Variants in TTF2 observed in about 807,000 individuals in gnomAD.
TTF2 encodes the protein RNA polymerase II termination factor.
TTF2 carries 108 observed loss-of-function variants against 142.4 expected under a neutral mutation model. The observed-to-expected ratio is 0.76, with a 90% CI of 0.65 to 0.89. The LOEUF is 0.89. Ranked by LOEUF, TTF2 falls within the 40% of genes least tolerant of loss-of-function variation. The probability of loss-of-function intolerance (pLI) is 0.00; values close to 1 mark genes in which losing one functional copy is unlikely to be tolerated. For missense variants in TTF2, 1,327 were observed against 1,379.8 expected (o/e 0.96, Z 0.61); for synonymous variants, 483 against 506.2 (o/e 0.95, Z 0.61).
At chr1:117,081,156 T>C (rs1647477198) in intron 9 of TTF2, among the ~76,000 whole-genome samples, 1 of 152,232 alleles carries the variant, frequency 6.6e-6, no homozygotes, top group Non-Finnish European at 1.5e-5. Context: ...GCCTGCTATG[T>C]TAATTATTTT....
rs1649569017 is a variant in TTF2 at position 117,101,408 on chromosome 1, A to G, written c.3373A>G (p.Lys1125Glu). ...TGTTTGTGAGGGAACAGTAGAAGAA[A>G]AGATCTTACAGCTCCAAGAAAAAAA... ...RFVCEGTVEE[K>E]ILQLQEKKKD... Residue 1125 changes from lysine (K) to glutamate (E), a missense_variant, in exon 23 of 23, where the codon AAG (lysine) becomes GAG (glutamate). Physicochemically the swap from Lys to Glu is moderately conservative, Grantham distance 56. Transcript: ENST00000369466. The surrounding 1 kb of genome is among the most constrained non-coding windows in gnomAD (Gnocchi z 5.9). The G allele has an allele frequency of 1.2e-6, 2 of 1,601,020 alleles. No individual in the cohort carries two copies. The highest frequency in any genetic ancestry group is 2.7e-5 in the African/African-American group (2 of 74,026).
At chr1:117,095,262 A>G in intron 18 of TTF2, 47 bp from the exon 19 acceptor site, 1 of 1,600,884 alleles carries the variant, frequency 6.2e-7, no homozygotes, top group Non-Finnish European at 8.6e-7. Context: ...GGAGATGGAG[A>G]AAAGTGAATT....
chr1:117,067,521 T>A, intron 3 of TTF2, among the ~76,000 whole-genome samples: 2 of 102,870 alleles, frequency 1.9e-5, no homozygotes, highest in Non-Finnish European at 1.8e-5. Flanking sequence ...CAAGACTCAG[T>A]CTCAAAAAAA....
Position 117,101,452 on chromosome 1 carries a change from A to C in TTF2, c.3417A>C (p.Gln1139His), listed in dbSNP as rs140357181. The C allele has an allele frequency of 1.3e-5, 21 of 1,611,688 alleles. No individual in the cohort carries two copies. The African/African-American group carries it at 2.4e-4, about 18-fold the overall frequency. The stretch of plus-strand genomic sequence containing the variant: ...AAAAAAAGAAAGATTTGGCCAAACA[A>C]GTTCTATCAGGGTCTGGAGAATCTG... ...LQEKKKDLAK[Q>H]VLSGSGESVT... is the part of the protein sequence containing the mutation. Residue 1139 changes from glutamine to histidine, a missense_variant, in exon 23 of 23, where the codon CAA becomes CAC. By Grantham distance (24) the Gln-to-His change is conservative. Transcript: ENST00000369466. This position sits in a 1 kb window ranked among gnomAD's most constrained non-coding sequence, Gnocchi z 5.9.
At position 117,107,281 on chromosome 1, in the gene TTF2, C is replaced by CTT. The variant is rs1212525699; in HGVS notation, c.*5759_*5760dup. On this transcript the variant is annotated 3_prime_UTR_variant, in exon 23 of 23. Coordinates refer to ENST00000369466, the MANE Select transcript of TTF2 (RefSeq NM_003594.4). Reference sequence around the variant, plus strand: ...CCAATCCCCAACACCCACACACAAACTTTAAATATTTGTAACAGAATTGTT... The same window carrying CTT: ...CCAATCCCCAACACCCACACACAAACTTTTTAAATATTTGTAACAGAATTGTT... 2 of 152,332 alleles carry CTT rather than the reference C, an allele frequency of 1.3e-5. No homozygotes were observed. The highest frequency in any genetic ancestry group is 2.9e-5 in the Non-Finnish European group (2 of 68,038). The allele number at this position is 152,332 out of a possible 1,614,324, so 9.4% of individuals were successfully genotyped here. A position where few individuals can be genotyped will look rare whatever the true frequency, so the allele number is the denominator to read the frequency against.
At chr1:117,060,674 G>A (rs1557794965) in intron 2 of TTF2, 117 bp downstream of exon 2, 3 of 997,044 alleles carry the variant, frequency 3.0e-6, no homozygotes, top group Non-Finnish European at 4.3e-6. Context: ...CTAGTTTGCG[G>A]TGTCAGGACC....
intron 3 of TTF2, 73 bp downstream of exon 3, chr1:117,062,546 G>GT: frequency 7.0e-7 from 1 of 1,418,716 alleles, no homozygotes; most frequent in Non-Finnish European, 9.6e-7. Flanking sequence ...TTGTAGCCAG[G>GT]TATGTATTAG....
intron 3 of TTF2, among the ~76,000 whole-genome samples, chr1:117,068,591 G>A (rs756448584): frequency 2.0e-5 from 3 of 151,718 alleles, no homozygotes; most frequent in Non-Finnish European, 4.4e-5. Flanking sequence ...AAATTAATTG[G>A]TTGTGGTAGA....
At position 117,065,820 on chromosome 1, in the gene TTF2, TGGAGG is replaced by T. The variant is rs1213773765; in HGVS notation, c.218+3348_218+3352del. Among the ~76,000 whole-genome samples, 86 of 152,242 alleles carry T rather than the reference TGGAGG, an allele frequency of 5.6e-4. 1 individual carries two copies. The East Asian group carries it at 0.011, about 20-fold the overall frequency. On this transcript the variant is annotated intron_variant, in intron 3 of 22. Transcript: ENST00000369466. ...ATACTTAAAACCATTTACATACTAC[TGGAGG>T]ACCTTTACCATACAGACATACTGTG...
At chr1:117,083,907 T>G (rs1379977699) in intron 10 of TTF2, 111 bp from the exon 11 acceptor site, 27 of 1,333,984 alleles carry the variant, frequency 2.0e-5, no homozygotes, top group Non-Finnish European at 2.8e-5. Flanking sequence ...AGCCTAGGAG[T>G]TTGAGACAGC....
At position 117,063,848 on chromosome 1, in the gene TTF2, T is replaced by A. The variant is rs894560002; in HGVS notation, c.218+1375T>A. On this transcript the variant is annotated intron_variant, in intron 3 of 22. Transcript: ENST00000369466. The surrounding 1 kb of genome is among the most constrained non-coding windows in gnomAD (Gnocchi z 4.1). ...TTAATATTGGTACAACCCACCAGTT[T>A]TATTGGTAAAGGTAGTTTTACTTGA... Among the ~76,000 whole-genome samples the A allele has an allele frequency of 1.3e-5, 2 of 152,148 alleles. No individual in the cohort carries two copies. The highest frequency in any genetic ancestry group is 2.4e-5 in the African/African-American group (1 of 41,432).
Position 117,062,493 on chromosome 1 carries a change from A to G in TTF2, c.218+20A>G. The G allele has an allele frequency of 6.3e-7, 1 of 1,574,942 alleles. No individual in the cohort carries two copies. On this transcript the variant is annotated intron_variant, in intron 3 of 22. Coordinates refer to ENST00000369466, the MANE Select transcript of TTF2 (RefSeq NM_003594.4). ...ATACAGGTAAGGGTCCAAAAGGAAC[A>G]TCTAAGTGTATTTGCTTTTTTTTTT... is the stretch of plus-strand genomic sequence containing the variant.
chr1:117,089,559 T>TAC (rs886325375), intron 13 of TTF2, among the ~76,000 whole-genome samples: 5 of 151,786 alleles, frequency 3.3e-5, no homozygotes, highest in Non-Finnish European at 5.9e-5. Flanking sequence ...CACAGGGGTG[T>TAC]ACACCTGTGG....
rs775119226 is a variant in TTF2, at chr1:117,076,295, G to A, written c.1390+1G>A. The A allele has an allele frequency of 8.7e-6, 14 of 1,612,606 alleles. No individual in the cohort carries two copies. The highest frequency in any genetic ancestry group is 1.2e-5 in the Non-Finnish European group (14 of 1,179,324). ...GGTCTTACCCTTTCCCCAGAGCAAGGTAAAGTGGCTTATGCCTCAGAACTC... is the reference window on the plus strand; with the variant it reads ...GGTCTTACCCTTTCCCCAGAGCAAGATAAAGTGGCTTATGCCTCAGAACTC... On this transcript the variant is annotated splice_donor_variant, in intron 6 of 22. Coordinates refer to ENST00000369466, the MANE Select transcript of TTF2 (RefSeq NM_003594.4). LOFTEE classifies it high-confidence loss of function. The surrounding 1 kb of genome is among the most constrained non-coding windows in gnomAD (Gnocchi z 4.6).
rs1265136254 is a variant in TTF2, at chr1:117,106,552, C to T, written c.*5028C>T. On this transcript the variant is annotated 3_prime_UTR_variant, in exon 23 of 23. Transcript: ENST00000369466. ...AAGTAAGCAAAAATGAAAAACTATC[C>T]TGTCCTCCTGAGGCTTAGCATCTAA... 2.0e-5 allele frequency: 3 copies of T among 152,234 alleles called. No homozygotes were observed. The highest frequency in any genetic ancestry group is 4.4e-5 in the Non-Finnish European group (3 of 68,044). The allele number at this position is 152,234 out of a possible 1,614,324, so 9.4% of individuals were successfully genotyped here.
rs1570899295 is a variant in TTF2 at position 117,103,985 on chromosome 1, A to T, written c.*2461A>T. ...AAAAAAAAAAAAAGAGAGAGAAAAA[A>T]ATCCTTACTTTCTCTACACTCTGAT... On this transcript the variant is annotated 3_prime_UTR_variant, in exon 23 of 23. Coordinates refer to ENST00000369466, the MANE Select transcript of TTF2 (RefSeq NM_003594.4). 1 of 151,928 alleles carries T rather than the reference A, an allele frequency of 6.6e-6. No homozygotes were observed. The highest frequency in any genetic ancestry group is 1.9e-4 in the East Asian group (1 of 5,202). The allele number at this position is 151,928 out of a possible 1,614,324, so 9.4% of individuals were successfully genotyped here. A position where few individuals can be genotyped will look rare whatever the true frequency, so the allele number is the denominator to read the frequency against.
At chr1:117,089,564 C>G (rs548199465) in intron 13 of TTF2, among the ~76,000 whole-genome samples, 1 of 152,048 alleles carries the variant, frequency 6.6e-6, no homozygotes, top group African/African-American at 2.4e-5. Context: ...GGGTGTACAC[C>G]TGTGGTCCCA....
In TTF2 at chr1:117,093,018, G is replaced by A. The variant is rs970148295; in HGVS notation, c.2976+117G>A. The A allele has an allele frequency of 1.0e-4, 123 of 1,174,954 alleles. No individual in the cohort carries two copies. The highest frequency in any genetic ancestry group is 1.3e-4 in the Non-Finnish European group (110 of 829,514). The allele number at this position is 1,174,954 out of a possible 1,614,324, so 72.8% of individuals were successfully genotyped here. On this transcript the variant is annotated intron_variant, in intron 18 of 22. Transcript: ENST00000369466. The surrounding 1 kb of genome is among the most constrained non-coding windows in gnomAD (Gnocchi z 4.5). ...GCCATTTGCCAGCAGAGCTAGAGCCGTTAAATTCTAGCTGATCAGATTCTC... is the reference window on the plus strand; with the variant it reads ...GCCATTTGCCAGCAGAGCTAGAGCCATTAAATTCTAGCTGATCAGATTCTC...
At chr1:117,062,573 T>G in intron 3 of TTF2, 100 bp downstream of exon 3, 1 of 1,233,740 alleles carries the variant, frequency 8.1e-7, no homozygotes, top group Non-Finnish European at 1.1e-6. Context: ...TCTTTAAAAG[T>G]CATTTTAAAA....
Sources: gnomAD v4.1 joint callset for allele counts (sites outside exome capture counted in the v4.1 genomes callset) on GRCh38, gnomAD v4.1.1 for gene constraint, Gnocchi (gnomAD v3.1) non-coding constraint, MANE v1.5 for transcripts, NCBI Gene and HGNC (gene_info 2026-07-23, HGNC 2026-07-21) for gene names.